The following DMD variants were observed in gnomAD, a reference collection of about 807,000 sequenced individuals.
The protein encoded by DMD is dystrophin, also known as mutant dystrophin.
Under a neutral mutation model 330.1 loss-of-function variants are expected in DMD, and 63 were observed. That is an observed-to-expected ratio of 0.19 (90% CI 0.16 to 0.24). The LOEUF is 0.24. Ranked by LOEUF, DMD falls within the 10% of genes least tolerant of loss-of-function variation. The pLI is 1.00. For synonymous variants in DMD, 1,223 were observed against 959.8 expected (o/e 1.27, Z -5.07); for missense variants, 3,344 against 2,684.1 (o/e 1.25, Z -5.43).
At chrX:32,101,678 C>A (rs768051756) in intron 44 of DMD, among the ~76,000 whole-genome samples, 2 of 111,657 alleles carry the variant, frequency 1.8e-5, no homozygotes, top group Non-Finnish European at 3.8e-5. Context: ...TGAAATATAT[C>A]CCTTGGTTAG....
chrX:33,005,500 GGAA>G (rs2093376095), intron 2 of DMD, among the ~76,000 whole-genome samples: 1 of 107,972 alleles, frequency 9.3e-6, no homozygotes, highest in Non-Finnish European at 1.9e-5. Context: ...AGAACAAATG[GGAA>G]GAAGACAGAA....
At chrX:32,573,908 A>T (rs2052722003) in intron 13 of DMD, 62 bp from the exon 14 acceptor site, 7 of 1,003,170 alleles carry the variant, frequency 7.0e-6, no homozygotes, top group Non-Finnish European at 9.8e-6. Flanking sequence ...TTTATTAAAA[A>T]TGGCATGAAT....
chrX:31,891,939 C>CAAATTGGA (rs1246347035), intron 47 of DMD, among the ~76,000 whole-genome samples: 1 of 111,788 alleles, frequency 8.9e-6, no homozygotes, highest in Non-Finnish European at 1.9e-5. Flanking sequence ...TTAATTTACC[C>CAAATTGGA]AAATTGGAAA....
rs143713844 is a variant in DMD at position 33,141,542 on chromosome X, C to T, written c.31+69740G>A. ...AATATAGAGTAGAAATGGAAATTGG[C>T]GACATAATATGACAATTTAAAAATT... On this transcript the variant is annotated intron_variant, in intron 1 of 78. Coordinates refer to ENST00000357033, the MANE Select transcript of DMD (RefSeq NM_004006.3). Among the ~76,000 whole-genome samples the T allele has an allele frequency of 6.5e-3, 729 of 111,386 alleles. 4 individuals are homozygous for T. Among genetic ancestry groups the T allele is most frequent in the African/African-American group, 0.022 (678 of 30,679 alleles).
chrX:31,856,266 A>G (rs761430520), intron 48 of DMD, among the ~76,000 whole-genome samples: 1 of 111,995 alleles, frequency 8.9e-6, no homozygotes, highest in African/African-American at 3.2e-5. Flanking sequence ...GCAATTTGCA[A>G]TATATGATAA....
chrX:32,572,314 AG>A (rs1013473333), intron 15 of DMD, among the ~76,000 whole-genome samples: 1 of 112,010 alleles, frequency 8.9e-6, no homozygotes, highest in African/African-American at 3.2e-5. Flanking sequence ...ACTTAAGTTT[AG>A]AAATTATTGC....
At chrX:33,176,101 G>A (rs990624851) in intron 1 of DMD, among the ~76,000 whole-genome samples, 48 of 111,284 alleles carry the variant, frequency 4.3e-4, no homozygotes, top group Non-Finnish European at 8.5e-4. Context: ...ATCTGAGGAG[G>A]AACAAAGGGT....
At chrX:32,571,242 G>C (rs137945157) in intron 15 of DMD, among the ~76,000 whole-genome samples, 3,093 of 111,654 alleles carry the variant, frequency 0.028, 42 homozygotes, top group Middle Eastern at 0.1. Flanking sequence ...TTTACTGAAA[G>C]GATTCACATT....
chrX:32,973,467 T>C (rs937489041), intron 2 of DMD, among the ~76,000 whole-genome samples: 54 of 112,012 alleles, frequency 4.8e-4, no homozygotes, highest in African/African-American at 1.7e-3. Context: ...TAAAAGACCA[T>C]ATGACTACTA....
At chrX:32,283,312 A>G (rs2097427474) in intron 43 of DMD, among the ~76,000 whole-genome samples, 1 of 111,969 alleles carries the variant, frequency 8.9e-6, no homozygotes, top group African/African-American at 3.2e-5. Flanking sequence ...TTTGTGTCAC[A>G]GCATTATTGC....
chrX:32,558,365 G>T (rs954397765), intron 16 of DMD, among the ~76,000 whole-genome samples: 1 of 111,771 alleles, frequency 8.9e-6, no homozygotes, highest in African/African-American at 3.3e-5. Flanking sequence ...TATAATTAGG[G>T]ATGGATATTA....
At chrX:32,720,291 C>T (rs367659846) in intron 7 of DMD, among the ~76,000 whole-genome samples, 1 of 111,372 alleles carries the variant, frequency 9.0e-6, no homozygotes, top group Non-Finnish European at 1.9e-5. Flanking sequence ...CCAAGACTGG[C>T]TCATTTTGCA....
intron 55 of DMD, among the ~76,000 whole-genome samples, chrX:31,568,726 A>C (rs2075600177): frequency 9.0e-6 from 1 of 111,683 alleles, no homozygotes; most frequent in South Asian, 3.7e-4. Context: ...AATCTCTTTT[A>C]ATTGGTATAT....
At chrX:33,285,453 T>G (rs2053417520) in intron 1 of DMD, among the ~76,000 whole-genome samples, 1 of 112,047 alleles carries the variant, frequency 8.9e-6, no homozygotes, top group Non-Finnish European at 1.9e-5. Flanking sequence ...AAAACATTTT[T>G]GTTTGTAAGG....
chrX:32,001,952 C>A (rs2150362817), intron 44 of DMD, among the ~76,000 whole-genome samples: 1 of 111,541 alleles, frequency 9.0e-6, no homozygotes, highest in South Asian at 3.7e-4. Flanking sequence ...ATATGCCAAG[C>A]AATTTGGTAT....
chrX:32,999,628 T>A (rs890244168), intron 2 of DMD, among the ~76,000 whole-genome samples: 1 of 110,211 alleles, frequency 9.1e-6, no homozygotes, highest in Non-Finnish European at 1.9e-5. Flanking sequence ...ATACAAAAAT[T>A]AGCCGGGTGT....
intron 1 of DMD, among the ~76,000 whole-genome samples, chrX:33,066,353 G>T (rs1261902132): frequency 1.9e-5 from 2 of 104,440 alleles, no homozygotes; most frequent in African/African-American, 3.5e-5. Context: ...GGAGGGTGAG[G>T]CATGAGAATC....
intron 65 of DMD, among the ~76,000 whole-genome samples, chrX:31,208,982 A>C (rs775166093): frequency 8.9e-6 from 1 of 112,206 alleles, no homozygotes; most frequent in African/African-American, 3.2e-5. Flanking sequence ...AAACAAAAGA[A>C]AACGAAAAAT....
intron 52 of DMD, among the ~76,000 whole-genome samples, chrX:31,710,114 C>T (rs2084519146): frequency 9.0e-6 from 1 of 111,325 alleles, no homozygotes; most frequent in Non-Finnish European, 1.9e-5. Flanking sequence ...GCAAGATGTC[C>T]GGGAATGGCC....
Sources: allele counts gnomAD v4.1 joint callset (sites outside exome capture counted in the v4.1 genomes callset), GRCh38; gene constraint gnomAD v4.1.1; transcripts MANE v1.5; gene names NCBI Gene and HGNC (gene_info 2026-07-23, HGNC 2026-07-21).